The following CCDC3 variants were observed in gnomAD, a reference collection of about 807,000 sequenced individuals.
CCDC3 encodes the protein coiled-coil domain-containing protein 3.
In CCDC3, 24 loss-of-function variants were observed where a neutral mutation model predicts 21.4. The observed-to-expected ratio is 1.12, with a 90% CI of 0.81 to 1.58. The LOEUF is 1.58. Ranked by LOEUF, CCDC3 falls within the 40% of genes most tolerant of loss-of-function variation. The pLI, the probability that CCDC3 is intolerant of heterozygous loss-of-function variation, is 0.00. For missense variants in CCDC3, 425 were observed against 360.9 expected (o/e 1.18, Z -1.44); for synonymous variants, 186 against 166.0 (o/e 1.12, Z -0.93).
chr10:13,024,421 T>C (rs1436868418), intron 5 of CCDC3, among the ~76,000 whole-genome samples: 3 of 152,280 alleles, frequency 2.0e-5, no homozygotes, highest in African/African-American at 7.2e-5. Context: ...TTAAGATTCT[T>C]AGTATATTTT....
chr10:12,954,413 G>A (rs183651302), intron 2 of CCDC3, among the ~76,000 whole-genome samples: 65 of 152,280 alleles, frequency 4.3e-4, no homozygotes, highest in African/African-American at 9.4e-4. Context: ...TTGTCCATTT[G>A]TGTTGGTATA....
chr10:13,078,969 T>A (rs568077797), intron 3 of CCDC3, among the ~76,000 whole-genome samples: 1 of 152,092 alleles, frequency 6.6e-6, no homozygotes, highest in East Asian at 1.9e-4. Context: ...ATATAACTAA[T>A]CTGCACATTG....
intron 4 of CCDC3, chr10:13,058,391 G>A: frequency 1.1e-6 from 1 of 931,508 alleles, no homozygotes; most frequent in South Asian, 1.3e-5. Flanking sequence ...ATACGCTGCA[G>A]CGTAATTTGT....
Position 13,069,393 on chromosome 10 carries a change from T to C in CCDC3, c.-270+4475A>G, listed in dbSNP as rs534469350. ...CAACAAGGTACTCTTAAGGCATTAA[T>C]CTGCTCTTTAGCAAAATTTGTAAAA... is the stretch of plus-strand genomic sequence containing the variant. On this transcript the variant is annotated intron_variant, in intron 4 of 6. Coordinates refer to the CCDC3 transcript ENST00000378839. Among the ~76,000 whole-genome samples, 6 of 152,382 alleles carry C rather than the reference T, an allele frequency of 3.9e-5. No individual in the cohort carries two copies. In the South Asian group the frequency reaches 1.2e-3, roughly 32 times the overall value.
chr10:12,909,868 C>T (rs1834238577), intron 2 of CCDC3, among the ~76,000 whole-genome samples: 1 of 152,192 alleles, frequency 6.6e-6, no homozygotes, highest in South Asian at 2.1e-4. Flanking sequence ...TAATTAGGGG[C>T]CAGTCTCCAG....
Position 13,069,939 on chromosome 10 carries a change from T to C in CCDC3, c.-270+3929A>G, listed in dbSNP as rs377201928. 3.4e-4 allele frequency among the ~76,000 whole-genome samples: 52 copies of C among 152,196 alleles called. 3 individuals carry two copies. Among genetic ancestry groups the C allele is most frequent in the Admixed American group, 2.0e-4 (3 of 15,270 alleles). On this transcript the variant is annotated intron_variant, in intron 4 of 6. Transcript: ENST00000378839. ...TCAACAGATGGTTTATAACCAGCTA[T>C]AGAACTTTGACAGGTGCTCTGAAAT...
chr10:12,964,847 G>A (rs190616392), intron 2 of CCDC3, among the ~76,000 whole-genome samples: 16 of 152,272 alleles, frequency 1.1e-4, no homozygotes, highest in East Asian at 1.9e-4. Flanking sequence ...ATTTAAAGTA[G>A]TATGTAGGAG....
intron 5 of CCDC3, among the ~76,000 whole-genome samples, chr10:13,013,531 C>G (rs1836010064): frequency 6.6e-6 from 1 of 151,962 alleles, no homozygotes; most frequent in Non-Finnish European, 1.5e-5. Flanking sequence ...TTACAAATAG[C>G]TGCCAATAAA....
At chr10:12,977,708 C>A (rs182391936) in intron 2 of CCDC3, among the ~76,000 whole-genome samples, 1 of 152,274 alleles carries the variant, frequency 6.6e-6, no homozygotes, top group East Asian at 1.9e-4. Context: ...AGTTTTCAAA[C>A]CATAGGAAAG....
intron 2 of CCDC3, among the ~76,000 whole-genome samples, chr10:12,916,204 T>C (rs559813681): frequency 5.5e-4 from 83 of 152,166 alleles, no homozygotes; most frequent in South Asian, 1.7e-3. Context: ...GAGGCCAAGG[T>C]GGGCGGATCA....
chr10:13,031,325 C>A (rs1836297639), intron 5 of CCDC3, among the ~76,000 whole-genome samples: 2 of 152,214 alleles, frequency 1.3e-5, no homozygotes, highest in South Asian at 2.1e-4. Context: ...ATACCAGAAT[C>A]TCTGGGACAC....
intron 4 of CCDC3, among the ~76,000 whole-genome samples, chr10:13,056,679 G>A (rs1836685171): frequency 6.6e-6 from 1 of 152,178 alleles, no homozygotes; most frequent in African/African-American, 2.4e-5. Context: ...TAAAAAGCAG[G>A]GAGGTGGACT....
Position 12,958,744 on chromosome 10 carries a change from C to T in CCDC3, c.549+39594G>A, listed in dbSNP as rs115807774. 2.8e-3 allele frequency among the ~76,000 whole-genome samples: 429 copies of T among 152,272 alleles called. 3 individuals are homozygous for T. The highest frequency in any genetic ancestry group is 9.8e-3 in the African/African-American group (408 of 41,560). ...CTGAAGCTCCTCTCCTCTCTGCTGC[C>T]CCAAGCTGACATCAGCCTCATCCTC... On this transcript the variant is annotated intron_variant, in intron 2 of 2. Transcript: ENST00000378825.
intron 2 of CCDC3, among the ~76,000 whole-genome samples, chr10:12,929,920 A>G (rs1834613233): frequency 6.6e-6 from 1 of 152,226 alleles, no homozygotes; most frequent in African/African-American, 2.4e-5. Context: ...CTATTAATAT[A>G]ACAGAAGGCA....
At chr10:12,947,541 G>C (rs1370682664) in intron 2 of CCDC3, among the ~76,000 whole-genome samples, 1 of 152,192 alleles carries the variant, frequency 6.6e-6, no homozygotes, top group Non-Finnish European at 1.5e-5. Flanking sequence ...AAAATGGCCT[G>C]TGACTTTGTC....
At chr10:13,094,651 G>A (rs576837384) in intron 3 of CCDC3, among the ~76,000 whole-genome samples, 1 of 151,896 alleles carries the variant, frequency 6.6e-6, no homozygotes, top group African/African-American at 2.4e-5. Flanking sequence ...ATCACTTGAG[G>A]TCATGAGTTT....
intron 3 of CCDC3, among the ~76,000 whole-genome samples, chr10:13,076,023 G>A (rs971163213): frequency 2.6e-5 from 4 of 152,066 alleles, no homozygotes; most frequent in Non-Finnish European, 4.4e-5. Flanking sequence ...GATTGTGCCA[G>A]TGCACTCCAG....
At chr10:13,002,805 A>G (rs540371067), upstream of CCDC3, among the ~76,000 whole-genome samples, 51 of 152,336 alleles carry the variant, frequency 3.3e-4, no homozygotes, top group African/African-American at 1.2e-3. Flanking sequence ...CAGGAAGTCC[A>G]AGATTAAAGT....
intron 5 of CCDC3, among the ~76,000 whole-genome samples, chr10:13,028,475 G>A (rs986502471): frequency 2.0e-5 from 3 of 152,126 alleles, no homozygotes; most frequent in African/African-American, 2.4e-5. Flanking sequence ...GAAGAGGAGT[G>A]AACCAGACCA....
Sources: gnomAD v4.1 joint callset for allele counts (sites outside exome capture counted in the v4.1 genomes callset) on GRCh38, gnomAD v4.1.1 for gene constraint, MANE v1.5 for transcripts, NCBI Gene and HGNC (gene_info 2026-07-23, HGNC 2026-07-21) for gene names.